The following NRXN1 variants were observed in gnomAD, a reference collection of about 807,000 sequenced individuals.
NRXN1 encodes neurexin-1.
A neutral mutation model predicts 150.9 loss-of-function variants in NRXN1; 39 were observed. The observed-to-expected ratio is 0.26, with a 90% CI of 0.20 to 0.34. The LOEUF is 0.34. NRXN1 is among the 10% of genes least tolerant of loss of function. The pLI is 1.00. For missense variants in NRXN1, 1,815 were observed against 1,949.9 expected (o/e 0.93, Z 1.30); for synonymous variants, 924 against 757.0 (o/e 1.22, Z -3.62).
chr2:50,251,448 G>T (rs866385960), intron 17 of NRXN1, among the ~76,000 whole-genome samples: 1 of 152,044 alleles, frequency 6.6e-6, no homozygotes, highest in Non-Finnish European at 1.5e-5. Flanking sequence ...CATTTGGAGT[G>T]GTTCCATGTC....
chr2:50,689,817 T>C (rs1304196734), intron 5 of NRXN1, among the ~76,000 whole-genome samples: 1 of 152,056 alleles, frequency 6.6e-6, no homozygotes, highest in Non-Finnish European at 1.5e-5. Flanking sequence ...TATAAGCCCA[T>C]TTGAGGCTTC....
intron 16 of NRXN1, among the ~76,000 whole-genome samples, chr2:50,469,450 AG>A (rs775009862): frequency 1.7e-4 from 26 of 151,624 alleles, no homozygotes; most frequent in Non-Finnish European, 3.1e-4. Context: ...ACTCCTCACA[AG>A]ATATTATTAG....
chr2:50,596,863 C>CTTTTTTT lies in NRXN1; in HGVS notation c.1320+23152_1320+23158dup, dbSNP rs3053104. On this transcript the variant is annotated intron_variant, in intron 8 of 22. Coordinates refer to ENST00000401669, the MANE Select transcript of NRXN1 (RefSeq NM_001330078.2). ...GAGGAACGTGGGAAAATTCCTAGGA[C>CTTTTTTT]TTTTTTTTTTTTTTTTTTTTTTTGA... is the stretch of plus-strand genomic sequence containing the variant. Among the ~76,000 whole-genome samples, 5 of 92,174 alleles carry CTTTTTTT rather than the reference C, an allele frequency of 5.4e-5. 1 individual carries two copies. Among genetic ancestry groups the CTTTTTTT allele is most frequent in the Admixed American group, 1.3e-4 (1 of 7,598 alleles). The allele number at this position is 92,174 out of a possible 152,430, so 60.5% of individuals were successfully genotyped here.
At chr2:49,977,784 G>A (rs58725798) in intron 21 of NRXN1, among the ~76,000 whole-genome samples, 1 of 152,156 alleles carries the variant, frequency 6.6e-6, no homozygotes, top group Non-Finnish European at 1.5e-5. Flanking sequence ...TTTTTTAAAA[G>A]AATTAAAGTG....
intron 8 of NRXN1, among the ~76,000 whole-genome samples, chr2:50,575,364 C>A (rs1396865866): frequency 6.6e-6 from 1 of 152,122 alleles, no homozygotes; most frequent in Non-Finnish European, 1.5e-5. Flanking sequence ...CTGCATCTTC[C>A]CCAGGGTGGG....
intron 21 of NRXN1, among the ~76,000 whole-genome samples, chr2:50,038,908 G>A (rs1038288554): frequency 5.9e-5 from 9 of 151,864 alleles, no homozygotes; most frequent in South Asian, 2.1e-4. Flanking sequence ...GGCTGGGAGC[G>A]GTGGATCATG....
intron 19 of NRXN1, among the ~76,000 whole-genome samples, chr2:50,076,562 A>G (rs12476530): frequency 0.34 from 51,989 of 152,018 alleles, 10,121 homozygotes; most frequent in African/African-American, 0.51. Context: ...CATCTCATCA[A>G]TGTTTGAACT....
intron 17 of NRXN1, among the ~76,000 whole-genome samples, chr2:50,254,102 G>T (rs1202844108): frequency 2.0e-5 from 3 of 151,776 alleles, no homozygotes; most frequent in Non-Finnish European, 4.4e-5. Context: ...ACCTGTTTTT[G>T]GTCTATTTGG....
intron 2 of NRXN1, among the ~76,000 whole-genome samples, chr2:50,959,396 T>C (rs910703288): frequency 3.0e-4 from 45 of 152,172 alleles, no homozygotes; most frequent in Middle Eastern, 3.4e-3. Flanking sequence ...AAATATGCTA[T>C]ATTCACAAAG....
Position 50,207,769 on chromosome 2 carries a change from C to T in NRXN1, c.3546+29020G>A, listed in dbSNP as rs2062718484. On this transcript the variant is annotated intron_variant, in intron 18 of 22. Transcript: ENST00000401669. The stretch of plus-strand genomic sequence containing the variant: ...AATAATTGTTCTAATCCATACTATT[C>T]TGAATCAGCTATCATTTGGGAAAGT... 3 of 166,266 alleles carry T rather than the reference C, an allele frequency of 1.8e-5. No homozygotes were observed. The South Asian group carries it at 6.2e-4, about 34-fold the overall frequency. 10.3% of individuals were successfully genotyped at this position (166,266 alleles called of 1,614,324 possible).
At chr2:50,095,597 A>G (rs1369973840) in intron 18 of NRXN1, among the ~76,000 whole-genome samples, 1 of 152,180 alleles carries the variant, frequency 6.6e-6, no homozygotes, top group Admixed American at 6.5e-5. Flanking sequence ...AAACTCTGAA[A>G]TAAGTCCCTT....
At chr2:50,469,774 G>A (rs550634651) in intron 16 of NRXN1, among the ~76,000 whole-genome samples, 2 of 150,416 alleles carry the variant, frequency 1.3e-5, no homozygotes, top group East Asian at 2.0e-4. Flanking sequence ...GGGGTGTCAG[G>A]GTGTGAAAAT....
intron 17 of NRXN1, among the ~76,000 whole-genome samples, chr2:50,250,397 G>T (rs116779619): frequency 1.1e-3 from 172 of 151,984 alleles, no homozygotes; most frequent in Non-Finnish European, 2.1e-3. Context: ...GGAGTAGGTT[G>T]TAGATCCACT....
chr2:50,307,463 G>A (rs907500668), intron 17 of NRXN1, among the ~76,000 whole-genome samples: 4 of 152,168 alleles, frequency 2.6e-5, no homozygotes, highest in Admixed American at 2.6e-4. Context: ...TCCATTTGAT[G>A]ACAGGCTGTA....
chr2:50,969,682 T>C (rs960902324), intron 2 of NRXN1, among the ~76,000 whole-genome samples: 11 of 152,170 alleles, frequency 7.2e-5, no homozygotes, highest in South Asian at 2.1e-4. Context: ...TTTAGGACAA[T>C]TGAGGCAACT....
At chr2:50,722,789 G>A (rs537834247) in intron 5 of NRXN1, among the ~76,000 whole-genome samples, 1 of 152,250 alleles carries the variant, frequency 6.6e-6, no homozygotes, top group East Asian at 1.9e-4. Context: ...ATTGGGGAAA[G>A]TAAAATTCCT....
chr2:50,310,656 T>C (rs1233221389), intron 17 of NRXN1, among the ~76,000 whole-genome samples: 2 of 152,206 alleles, frequency 1.3e-5, no homozygotes, highest in East Asian at 3.8e-4. Flanking sequence ...CTGATACTTC[T>C]ACTGTTATTG....
intron 17 of NRXN1, among the ~76,000 whole-genome samples, chr2:50,392,194 C>T (rs906103075): frequency 6.6e-6 from 1 of 152,064 alleles, no homozygotes; most frequent in Non-Finnish European, 1.5e-5. Context: ...TTTAATAATA[C>T]CAGAACTAGC....
At chr2:50,575,715 A>G (rs1671343692) in intron 8 of NRXN1, among the ~76,000 whole-genome samples, 1 of 152,206 alleles carries the variant, frequency 6.6e-6, no homozygotes, top group Admixed American at 6.5e-5. Flanking sequence ...CAGAGTCCAC[A>G]TCTGTTTTGC....
Sources: allele counts gnomAD v4.1 joint callset (sites outside exome capture counted in the v4.1 genomes callset), GRCh38; gene constraint gnomAD v4.1.1; transcripts MANE v1.5; gene names NCBI Gene and HGNC (gene_info 2026-07-23, HGNC 2026-07-21).